The following CSMD1 variants were observed in gnomAD, a reference collection of about 807,000 sequenced individuals.
The protein encoded by CSMD1 is CUB and Sushi multiple domains 1, also known as CUB and sushi domain-containing protein 1.
A neutral mutation model predicts 417.5 loss-of-function variants in CSMD1; 213 were observed. That is an observed-to-expected ratio of 0.51 (90% confidence interval 0.46 to 0.57). The LOEUF (loss-of-function observed/expected upper bound fraction) is 0.57. Ranked by LOEUF, CSMD1 falls within the 20% of genes least tolerant of loss-of-function variation. The pLI is 0.00. For synonymous variants in CSMD1, 2,862 were observed against 1,736.8 expected (o/e 1.65, Z -16.11); for missense variants, 6,923 against 4,529.7 (o/e 1.53, Z -15.17).
chr8:3,265,178 C>G (rs1320691265), intron 26 of CSMD1, among the ~76,000 whole-genome samples: 4 of 151,948 alleles, frequency 2.6e-5, no homozygotes, highest in Non-Finnish European at 5.9e-5. Context: ...TCACTAGAAC[C>G]AATAACTAAA....
At chr8:4,701,548 G>C (rs1383139913) in intron 1 of CSMD1, among the ~76,000 whole-genome samples, 1 of 151,966 alleles carries the variant, frequency 6.6e-6, no homozygotes, top group Non-Finnish European at 1.5e-5. Context: ...GCATGGGAGG[G>C]AGCAATACAG....
chr8:3,252,412 T>C (rs189246879), intron 26 of CSMD1, among the ~76,000 whole-genome samples: 10 of 152,220 alleles, frequency 6.6e-5, no homozygotes, highest in African/African-American at 1.9e-4. Flanking sequence ...GGGATGAAGC[T>C]CACTTGATCA....
At chr8:4,421,587 C>T (rs955700449) in intron 2 of CSMD1, among the ~76,000 whole-genome samples, 1 of 151,608 alleles carries the variant, frequency 6.6e-6, no homozygotes, top group African/African-American at 2.4e-5. Context: ...CTAAATAATC[C>T]AGGGGCCAAA....
intron 2 of CSMD1, among the ~76,000 whole-genome samples, chr8:4,509,356 G>A (rs531080320): frequency 4.3e-4 from 65 of 152,204 alleles, no homozygotes; most frequent in African/African-American, 1.5e-3. Flanking sequence ...TGATAACAAG[G>A]CAGCTGGTAT....
At chr8:3,658,573 A>C (rs988945571) in intron 7 of CSMD1, among the ~76,000 whole-genome samples, 2 of 151,670 alleles carry the variant, frequency 1.3e-5, no homozygotes, top group African/African-American at 4.8e-5. Flanking sequence ...ACTTGAGGTC[A>C]GGAGTTTGAG....
In CSMD1 at chr8:3,829,838, G is replaced by C. The variant is rs144551217; in HGVS notation, c.819-75796C>G. ...CACTGAATAAGTTCGTTTTAAGAAAGCTCTTTTTGAATATTAATCCGCTTA... is the reference window on the plus strand; with the variant it reads ...CACTGAATAAGTTCGTTTTAAGAAACCTCTTTTTGAATATTAATCCGCTTA... On this transcript the variant is annotated intron_variant, in intron 5 of 69. Transcript: ENST00000635120. Among the ~76,000 whole-genome samples, 447 of 152,172 alleles carry C rather than the reference G, an allele frequency of 2.9e-3. 1 individual carries two copies. Among genetic ancestry groups the C allele is most frequent in the African/African-American group, 0.01 (425 of 41,536 alleles).
intron 3 of CSMD1, among the ~76,000 whole-genome samples, chr8:4,401,891 G>C (rs1804669142): frequency 6.6e-6 from 1 of 151,970 alleles, no homozygotes; most frequent in Non-Finnish European, 1.5e-5. Flanking sequence ...TCTGTCTTCA[G>C]GTTACTCACA....
At chr8:3,272,448 T>G (rs1801937785) in intron 26 of CSMD1, among the ~76,000 whole-genome samples, 1 of 150,508 alleles carries the variant, frequency 6.6e-6, no homozygotes, top group African/African-American at 2.4e-5. Flanking sequence ...TTTAAAGTAG[T>G]TTTTTCCAAT....
chr8:4,240,035 T>C (rs767407192), intron 3 of CSMD1, among the ~76,000 whole-genome samples: 2 of 152,246 alleles, frequency 1.3e-5, no homozygotes, highest in Non-Finnish European at 2.9e-5. Context: ...CACATATTTC[T>C]TGACAAGAAA....
intron 1 of CSMD1, among the ~76,000 whole-genome samples, chr8:4,715,988 T>C (rs1181102948): frequency 6.6e-6 from 1 of 152,158 alleles, no homozygotes; most frequent in African/African-American, 2.4e-5. Flanking sequence ...ACTGCTTAAA[T>C]CTTACCAGTG....
chr8:4,307,430 G>C (rs1798309132), intron 3 of CSMD1, among the ~76,000 whole-genome samples: 1 of 152,140 alleles, frequency 6.6e-6, no homozygotes, highest in Non-Finnish European at 1.5e-5. Context: ...ACCAAGTTGA[G>C]ATGCTATCAT....
chr8:3,889,526 T>C (rs11783634), intron 5 of CSMD1, among the ~76,000 whole-genome samples: 59,874 of 118,118 alleles, frequency 0.51, 19,187 homozygotes, highest in Admixed American at 0.66. Context: ...TATATACATA[T>C]ATATACATAC....
At chr8:4,044,227 A>G (rs1051955416) in intron 3 of CSMD1, among the ~76,000 whole-genome samples, 1 of 152,208 alleles carries the variant, frequency 6.6e-6, no homozygotes, top group African/African-American at 2.4e-5. Flanking sequence ...TCAAATACAA[A>G]TAACTTATTT....
chr8:3,551,936 C>T (rs937596450), intron 10 of CSMD1, among the ~76,000 whole-genome samples: 3 of 152,064 alleles, frequency 2.0e-5, no homozygotes, highest in African/African-American at 7.2e-5. Context: ...GTTTTAGCTA[C>T]TGAAAGATGA....
intron 5 of CSMD1, among the ~76,000 whole-genome samples, chr8:3,941,353 A>G (rs1810869675): frequency 6.6e-6 from 1 of 152,146 alleles, no homozygotes; most frequent in Admixed American, 6.5e-5. Flanking sequence ...ACATTGTATA[A>G]TGAATGCTGA....
At chr8:4,070,622 G>A (rs1239323293) in intron 3 of CSMD1, among the ~76,000 whole-genome samples, 5 of 152,140 alleles carry the variant, frequency 3.3e-5, no homozygotes, top group Admixed American at 6.5e-5. Context: ...CTCCCAAAGT[G>A]CTGGGATTAC....
At chr8:4,161,998 G>C (rs745737872) in intron 3 of CSMD1, among the ~76,000 whole-genome samples, 3 of 152,078 alleles carry the variant, frequency 2.0e-5, no homozygotes, top group Non-Finnish European at 4.4e-5. Flanking sequence ...TTGTGCCTTT[G>C]ACTAACCATT....
intron 5 of CSMD1, among the ~76,000 whole-genome samples, chr8:3,860,152 C>T (rs187572004): frequency 3.9e-5 from 6 of 151,934 alleles, no homozygotes; most frequent in African/African-American, 1.2e-4. Context: ...ACATATTAAC[C>T]CCTCATTTGA....
chr8:4,208,171 G>C (rs1432863643), intron 3 of CSMD1, among the ~76,000 whole-genome samples: 1 of 152,128 alleles, frequency 6.6e-6, no homozygotes, highest in Non-Finnish European at 1.5e-5. Context: ...AGGCTAAGGT[G>C]TTAGAAATGA....
Sources: gnomAD v4.1 joint callset for allele counts (sites outside exome capture counted in the v4.1 genomes callset) on GRCh38, gnomAD v4.1.1 for gene constraint, MANE v1.5 for transcripts, NCBI Gene and HGNC (gene_info 2026-07-23, HGNC 2026-07-21) for gene names.